FASTKD1: variants seen among roughly 807,000 people sequenced by gnomAD.
The protein encoded by FASTKD1 is FAST kinase domain-containing protein 1, mitochondrial.
In FASTKD1, 94 loss-of-function variants were observed where a neutral mutation model predicts 90.9. The ratio of observed to expected loss-of-function variants is 1.03; its 90% CI spans 0.88 to 1.23. The LOEUF (loss-of-function observed/expected upper bound fraction) is 1.23, where lower values mean the gene tolerates loss of function less well. Among genes scored for constraint, FASTKD1 ranks in the 50% most tolerant of loss-of-function variants. The pLI is 0.00. For synonymous variants in FASTKD1, 319 were observed against 345.8 expected, an observed-to-expected ratio of 0.92 and a Z score of 0.86; for missense variants, 945 against 993.5, an observed-to-expected ratio of 0.95 and a Z score of 0.66.
chr2:169,572,166 C>T lies in FASTKD1; in HGVS notation c.-137G>A. On this transcript the variant is annotated 5_prime_UTR_variant, in exon 2 of 15. Transcript: ENST00000453153. ...ATGACTGTAAACGCATTCCAATGTA[C>T]AGCTTCTATAAAAGAATTGGTTTAA... The T allele has an allele frequency of 2.1e-6, 2 of 946,426 alleles. No individual in the cohort carries two copies. 58.6% of individuals were successfully genotyped at this position (946,426 alleles called of 1,614,324 possible).
Position 169,560,436 on chromosome 2 carries a change from T to A in FASTKD1, c.922A>T (p.Lys308Ter), listed in dbSNP as rs753863110. 1 of 1,572,880 alleles carries A rather than the reference T, an allele frequency of 6.4e-7. No individual in the cohort carries two copies. The highest frequency in any genetic ancestry group is 2.1e-5 in the Admixed American group (1 of 48,752). Residue 308 changes from lysine (K) to a stop codon, truncating the protein, a stop_gained, in exon 5 of 15, where the codon AAA becomes TAA. Transcript: ENST00000453153. LOFTEE classifies it high-confidence loss of function. ...ATGGGTCCCAATGCTACAAACAATT[T>A]TACAAAGCTAGCAGGATGATTACAC... ...PLCNHPASFVKLFVALGPIAG... is the reference protein window; with the variant it reads ...PLCNHPASFV
At chr2:169,541,854 G>A (rs372820211) in intron 9 of FASTKD1, among the ~76,000 whole-genome samples, 1 of 151,904 alleles carries the variant, frequency 6.6e-6, no homozygotes, top group Non-Finnish European at 1.5e-5. Flanking sequence ...CTACCAACTC[G>A]GTCTCCCTCA....
At chr2:169,566,459 T>A (rs866362192) in intron 3 of FASTKD1, among the ~76,000 whole-genome samples, 9 of 152,168 alleles carry the variant, frequency 5.9e-5, no homozygotes, top group South Asian at 2.1e-4. Context: ...TTAAAAAAAA[T>A]TTGGATTTCT....
intron 1 of FASTKD1, among the ~76,000 whole-genome samples, chr2:169,572,448 G>A (rs1056046959): frequency 1.3e-5 from 2 of 151,272 alleles, no homozygotes; most frequent in African/African-American, 2.4e-5. Flanking sequence ...CTGTCTTTTC[G>A]AAAAAGAGGA....
At chr2:169,545,283 G>C (rs895503742) in intron 8 of FASTKD1, among the ~76,000 whole-genome samples, 1 of 152,132 alleles carries the variant, frequency 6.6e-6, no homozygotes, top group African/African-American at 2.4e-5. Flanking sequence ...AATTGAATAG[G>C]AAACAGTATC....
At chr2:169,559,508 C>T (rs1017246426) in intron 5 of FASTKD1, among the ~76,000 whole-genome samples, 1 of 152,200 alleles carries the variant, frequency 6.6e-6, no homozygotes, top group African/African-American at 2.4e-5. Flanking sequence ...CAGTTCACTG[C>T]AGGCTCAACC....
chr2:169,542,965 T>G (rs976216531), intron 9 of FASTKD1, among the ~76,000 whole-genome samples: 8 of 152,198 alleles, frequency 5.3e-5, no homozygotes, highest in African/African-American at 1.9e-4. Flanking sequence ...TTGCTGCAAA[T>G]GTTTAATCTG....
chr2:169,530,827 C>T (rs1283982185), intron 13 of FASTKD1, 126 bp from the exon 14 acceptor site: 16 of 647,624 alleles, frequency 2.5e-5, no homozygotes, highest in Non-Finnish European at 4.4e-5. Flanking sequence ...ATGAGTATAT[C>T]AAGTTATGTT....
intron 12 of FASTKD1, chr2:169,536,994 A>ATTT: frequency 5.5e-6 from 2 of 362,102 alleles, no homozygotes; most frequent in South Asian, 3.6e-5. Flanking sequence ...GACTGACCTT[A>ATTT]ATTTTTTTTT....
At position 169,550,687 on chromosome 2, in the gene FASTKD1, C is replaced by A. The variant is rs145350061; in HGVS notation, c.1215-3983G>T. 5.5e-3 allele frequency among the ~76,000 whole-genome samples: 841 copies of A among 152,280 alleles called. 7 individuals carry two copies. The highest frequency in any genetic ancestry group is 0.014 in the Middle Eastern group (4 of 294). On this transcript the variant is annotated intron_variant, in intron 7 of 14. Transcript: ENST00000453153. Reference sequence around the variant, plus strand: ...AGAGACAGAGGCTTGCTATGTTGAACACACCGGTCTTGAATTCCTGGCCTC... The same window carrying A: ...AGAGACAGAGGCTTGCTATGTTGAAAACACCGGTCTTGAATTCCTGGCCTC...
At chr2:169,531,188 A>G in intron 13 of FASTKD1, 164 bp downstream of exon 13, 8 of 795,678 alleles carry the variant, frequency 1.0e-5, no homozygotes, top group Non-Finnish European at 1.8e-5. Context: ...AGAAGGGAGA[A>G]CATTAAAGCA....
Position 169,546,642 on chromosome 2 carries a change from A to G in FASTKD1, c.1277T>C (p.Leu426Pro). Residue 426 changes from leucine to proline, a missense_variant, in exon 8 of 15, where the codon CTC (leucine) becomes CCC (proline). Transcript: ENST00000453153. Reference sequence around the variant, plus strand: ...CACTTCGTCCAAGTGAGGAGAAGGGAGCAGGGAAATAGCACGGACCAGAAC... The same window carrying G: ...CACTTCGTCCAAGTGAGGAGAAGGGGGCAGGGAAATAGCACGGACCAGAAC... ...VSVLVRAISL[L>P]PSPHLDEVGI... 6.2e-7 allele frequency: 1 copy of G among 1,614,170 alleles called. No individual in the cohort carries two copies. The highest frequency in any genetic ancestry group is 8.5e-7 in the Non-Finnish European group (1 of 1,180,016).
chr2:169,535,457 T>TTTA (rs1235546424), intron 12 of FASTKD1, among the ~76,000 whole-genome samples: 16 of 102,860 alleles, frequency 1.6e-4, no homozygotes, highest in Non-Finnish European at 2.3e-4. Context: ...TATTTATTTA[T>TTTA]TTATTTATTA....
In FASTKD1 at chr2:169,529,818, A is replaced by G; in HGVS notation, c.*7T>C. 1.3e-6 allele frequency: 2 copies of G among 1,586,338 alleles called. No individual in the cohort carries two copies. The highest frequency in any genetic ancestry group is 1.7e-6 in the Non-Finnish European group (2 of 1,162,090). On this transcript the variant is annotated 3_prime_UTR_variant, in exon 15 of 15. Coordinates refer to ENST00000453153, the MANE Select transcript of FASTKD1 (RefSeq NM_024622.6). Reference sequence around the variant, plus strand: ...TAACACACGATAACATTCATTTTAAATAAAAACTACAAACATGACTTGACT... The same window carrying G: ...TAACACACGATAACATTCATTTTAAGTAAAAACTACAAACATGACTTGACT...
chr2:169,567,167 T>C (rs902530668), intron 3 of FASTKD1, among the ~76,000 whole-genome samples: 2 of 152,016 alleles, frequency 1.3e-5, no homozygotes, highest in African/African-American at 2.4e-5. Context: ...ATTGTACTTC[T>C]GAGTTATTTT....
At chr2:169,543,936 A>G (rs1405430168) in intron 9 of FASTKD1, among the ~76,000 whole-genome samples, 1 of 152,210 alleles carries the variant, frequency 6.6e-6, no homozygotes, top group East Asian at 1.9e-4. Context: ...CAACTACTCT[A>G]AAATGTATTT....
intron 9 of FASTKD1, 137 bp downstream of exon 9, chr2:169,544,584 C>A (rs1486340219): frequency 3.2e-5 from 20 of 627,468 alleles, no homozygotes; most frequent in Middle Eastern, 4.3e-4. Flanking sequence ...AACAAACAAA[C>A]AAACAAAAAA....
chr2:169,566,532 C>T (rs1210132632), intron 3 of FASTKD1, among the ~76,000 whole-genome samples: 5 of 151,882 alleles, frequency 3.3e-5, no homozygotes, highest in African/African-American at 1.2e-4. Flanking sequence ...GGCAACATGG[C>T]GAAATCCCAT....
intron 4 of FASTKD1, among the ~76,000 whole-genome samples, chr2:169,562,146 G>T (rs946911909): frequency 1.1e-4 from 15 of 141,050 alleles, no homozygotes; most frequent in African/African-American, 2.3e-4. Flanking sequence ...TTAATTTATT[G>T]TAAATTAATT....
Sources: gnomAD v4.1 joint callset for allele counts (sites outside exome capture counted in the v4.1 genomes callset) on GRCh38, gnomAD v4.1.1 for gene constraint, MANE v1.5 for transcripts, NCBI Gene and HGNC (gene_info 2026-07-23, HGNC 2026-07-21) for gene names.